Variants in MASP1 observed in about 807,000 individuals in gnomAD.
The protein encoded by MASP1 is MBL associated serine protease 1, also known as mannan-binding lectin serine protease 1.
Under a neutral mutation model 77.1 loss-of-function variants are expected in MASP1, and 59 were observed. The ratio of observed to expected loss-of-function variants is 0.77; its 90% CI spans 0.62 to 0.95. The LOEUF (loss-of-function observed/expected upper bound fraction) is 0.95. MASP1 is among the 40% of genes least tolerant of loss of function. MASP1 has a pLI of 0.00. For synonymous variants in MASP1, 362 were observed against 354.5 expected (o/e 1.02, Z -0.24); for missense variants, 885 against 912.9 (o/e 0.97, Z 0.39).
chr3:187,264,796 C>T (rs1248483538), intron 2 of MASP1, among the ~76,000 whole-genome samples: 2 of 152,040 alleles, frequency 1.3e-5, no homozygotes, highest in African/African-American at 2.4e-5. Context: ...TTTGCTAGAA[C>T]TTAATAAAAA....
At chr3:187,220,312 A>T in intron 15 of MASP1, 1 of 1,540,740 alleles carries the variant, frequency 6.5e-7, no homozygotes, top group Non-Finnish European at 8.9e-7. Context: ...TCCCAGCCCA[A>T]GTCTCCTTCT....
chr3:187,223,881 C>T (rs890674546), intron 13 of MASP1, among the ~76,000 whole-genome samples: 3 of 152,204 alleles, frequency 2.0e-5, no homozygotes, highest in Non-Finnish European at 2.9e-5. Context: ...AGCTGCATCT[C>T]GGGTGAGTCA....
At chr3:187,243,348 G>A in intron 9 of MASP1, 136 bp downstream of exon 9, 2 of 866,188 alleles carry the variant, frequency 2.3e-6, no homozygotes, top group Non-Finnish European at 3.9e-6. Flanking sequence ...AGATGTGTGA[G>A]TGACACGTTT....
At chr3:187,241,180 A>G (rs698088) in intron 10 of MASP1, among the ~76,000 whole-genome samples, 39,651 of 151,984 alleles carry the variant, frequency 0.26, 6,412 homozygotes, top group Non-Finnish European at 0.35. Context: ...CACTTTTTAA[A>G]TTTCCCCGGC....
intron 11 of MASP1, among the ~76,000 whole-genome samples, chr3:187,227,056 G>A (rs371309670): frequency 3.3e-5 from 5 of 152,324 alleles, no homozygotes; most frequent in African/African-American, 9.6e-5. Flanking sequence ...ACCTACACTG[G>A]CTGCACGTTA....
At chr3:187,265,082 A>T (rs1414910115) in intron 2 of MASP1, among the ~76,000 whole-genome samples, 1 of 152,192 alleles carries the variant, frequency 6.6e-6, no homozygotes, top group African/African-American at 2.4e-5. Context: ...CAGTCATCAT[A>T]GTCTAACACA....
intron 15 of MASP1, among the ~76,000 whole-genome samples, chr3:187,220,726 G>T (rs1191852388): frequency 6.6e-6 from 1 of 152,178 alleles, no homozygotes; most frequent in South Asian, 2.1e-4. Flanking sequence ...TCGAACTCCC[G>T]ACCTCAGGTG....
Position 187,235,817 on chromosome 3 carries a change from G to A in MASP1, c.2054C>T (p.Ser685Phe), listed in dbSNP as rs774559137. ...GCCGCATTCTTCAGGTCCCCCCCAG[G>A]ACACCAGGCCTTGCACCACCCAGCG... is the stretch of plus-strand genomic sequence containing the variant. ...SQRWVVQGLV[S>F]WGGPEECGSK... Residue 685 changes from serine (S) to phenylalanine (F), a missense_variant, in exon 11 of 11, where the codon TCC (serine) becomes TTC (phenylalanine). Physicochemically the swap from Ser to Phe is radical, Grantham distance 155 (BLOSUM62 -2). Transcript: ENST00000296280. 2.5e-6 allele frequency: 4 copies of A among 1,614,136 alleles called. No homozygotes were observed. Among genetic ancestry groups the A allele is most frequent in the Non-Finnish European group, 3.4e-6 (4 of 1,180,026 alleles).
downstream of MASP1, among the ~76,000 whole-genome samples, chr3:187,232,274 C>G (rs1345249092): frequency 6.7e-6 from 1 of 149,254 alleles, no homozygotes; most frequent in African/African-American, 2.5e-5. Context: ...TTCTTCATGC[C>G]TTCCATGATG....
chr3:187,243,392 T>G, intron 9 of MASP1, 92 bp downstream of exon 9: 1 of 1,334,778 alleles, frequency 7.5e-7, no homozygotes, highest in Non-Finnish European at 1.1e-6. Flanking sequence ...TATGAGCAGT[T>G]CTTCCTTTCA....
chr3:187,236,136 GC>G lies in MASP1; in HGVS notation c.1734del (p.Glu578AspfsTer23), dbSNP rs1713151995. The stretch of plus-strand genomic sequence containing the variant: ...AGCATGTGGGGGGCCGGGCCTTCAG[GC>G]TCAAGCCTTGGCAGGCAGACAGGCA... ...HVMPVCLPRLEPEGPAPHMLG... is the reference protein window; with the variant it reads ...HVMPVCLPRLXPEGPAPHMLG... On this transcript the variant is annotated frameshift_variant, in exon 11 of 11. Transcript: ENST00000296280. LOFTEE classifies it high-confidence loss of function. 5.0e-6 allele frequency: 8 copies of G among 1,613,948 alleles called. No homozygotes were observed. The highest frequency in any genetic ancestry group is 6.8e-6 in the Non-Finnish European group (8 of 1,180,030).
At chr3:187,229,460 A>G (rs1712634355), downstream of MASP1, among the ~76,000 whole-genome samples, 2 of 152,148 alleles carry the variant, frequency 1.3e-5, no homozygotes, top group African/African-American at 4.8e-5. Flanking sequence ...GTCTTTGTAA[A>G]TCGACCTTCC....
At chr3:187,275,161 G>C (rs966145011) in intron 2 of MASP1, among the ~76,000 whole-genome samples, 2 of 152,222 alleles carry the variant, frequency 1.3e-5, no homozygotes, top group Non-Finnish European at 2.9e-5. Context: ...CGGGAAAATA[G>C]CCTGAGGATG....
In MASP1 at chr3:187,223,967, G is replaced by A. The variant is rs182837719; in HGVS notation, c.1742-773C>T. Among the ~76,000 whole-genome samples, 5 of 152,292 alleles carry A rather than the reference G, an allele frequency of 3.3e-5. No individual in the cohort carries two copies. The East Asian group carries it at 5.8e-4, about 18-fold the overall frequency. ...CCACCTTGCAAGGCTTGCATGGTTC[G>A]TAAATAAGTTAATGAACATAAAGCA... is the stretch of plus-strand genomic sequence containing the variant. On this transcript the variant is annotated intron_variant, in intron 13 of 15. Coordinates refer to the MASP1 transcript ENST00000337774.
chr3:187,275,011 G>C (rs907252577), intron 2 of MASP1, among the ~76,000 whole-genome samples: 7 of 152,146 alleles, frequency 4.6e-5, no homozygotes, highest in Non-Finnish European at 7.3e-5. Context: ...CTGGGAGGGA[G>C]AGCCAGGGAG....
At chr3:187,272,857 A>G (rs544650175) in intron 2 of MASP1, among the ~76,000 whole-genome samples, 2 of 152,370 alleles carry the variant, frequency 1.3e-5, no homozygotes, top group East Asian at 1.9e-4. Flanking sequence ...TAGTTTGTGG[A>G]CATTTATTAC....
At chr3:187,229,668 T>C (rs1712647639), downstream of MASP1, 2 of 1,494,482 alleles carry the variant, frequency 1.3e-6, no homozygotes, top group Non-Finnish European at 9.2e-7. Context: ...CTGATGCTAG[T>C]GTGCACAATG....
intron 4 of MASP1, 135 bp from the exon 5 acceptor site, chr3:187,256,995 A>T: frequency 1.3e-6 from 1 of 754,592 alleles, no homozygotes; most frequent in Non-Finnish European, 2.3e-6. Context: ...CATTTTACAG[A>T]TGGGAAAAAT....
chr3:187,273,097 G>C (rs1466454641), intron 2 of MASP1, among the ~76,000 whole-genome samples: 1 of 152,174 alleles, frequency 6.6e-6, no homozygotes, highest in African/African-American at 2.4e-5. Context: ...CTCCCAGCTA[G>C]TGGGGCAAGG....
Sources: gnomAD v4.1 joint callset for allele counts (sites outside exome capture counted in the v4.1 genomes callset) on GRCh38, gnomAD v4.1.1 for gene constraint, MANE v1.5 for transcripts, NCBI Gene and HGNC (gene_info 2026-07-23, HGNC 2026-07-21) for gene names.